Variants in TLK2 observed in about 807,000 individuals in gnomAD.
TLK2 encodes serine/threonine-protein kinase tousled-like 2.
TLK2 carries 6 observed loss-of-function variants against 117.3 expected under a neutral mutation model. The ratio of observed to expected loss-of-function variants is 0.05; its 90% CI spans 0.03 to 0.10. TLK2 has a LOEUF of 0.10. Ranked by LOEUF, TLK2 falls within the 10% of genes least tolerant of loss-of-function variation. The probability of loss-of-function intolerance (pLI) is 1.00; values close to 1 mark genes in which losing one functional copy is unlikely to be tolerated. For missense variants in TLK2, 299 were observed against 901.2 expected (o/e 0.33, Z 8.56); for synonymous variants, 257 against 316.7 (o/e 0.81, Z 2.00).
chr17:62,581,638 A>G (rs1477508985), intron 15 of TLK2, among the ~76,000 whole-genome samples: 1 of 151,472 alleles, frequency 6.6e-6, no homozygotes, highest in Non-Finnish European at 1.5e-5. Flanking sequence ...ACAGGGTTTC[A>G]TCATGTTGCC....
intron 15 of TLK2, among the ~76,000 whole-genome samples, chr17:62,583,932 TGTA>T (rs2081400101): frequency 6.6e-6 from 1 of 152,006 alleles, no homozygotes; most frequent in Non-Finnish European, 1.5e-5. Flanking sequence ...GTGCATTTAA[TGTA>T]GTTTTTCTTT....
intron 11 of TLK2, among the ~76,000 whole-genome samples, chr17:62,565,895 A>G (rs2079747272): frequency 6.6e-6 from 1 of 152,184 alleles, no homozygotes; most frequent in Admixed American, 6.5e-5. Flanking sequence ...GAAGAACTTT[A>G]TAGGACATGT....
At chr17:62,553,956 T>C (rs1411833706) in intron 9 of TLK2, among the ~76,000 whole-genome samples, 2 of 152,240 alleles carry the variant, frequency 1.3e-5, no homozygotes, top group Admixed American at 6.5e-5. Context: ...GGAAATCTTA[T>C]ACTGTAGTGT....
In TLK2 at chr17:62,569,537, G is replaced by T. The variant is rs548716770; in HGVS notation, c.969-3678G>T. ...TGCAACCCCTGCCCCCTGGGTTCAA[G>T]CAATTCTCCTGCCTCAACCTCCTGA... On this transcript the variant is annotated intron_variant, in intron 11 of 21. Coordinates refer to ENST00000346027, the MANE Select transcript of TLK2 (RefSeq NM_006852.6). Among the ~76,000 whole-genome samples the T allele has an allele frequency of 1.3e-3, 190 of 146,372 alleles. 1 individual carries two copies. The highest frequency in any genetic ancestry group is 4.3e-4 in the Non-Finnish European group (29 of 67,116).
chr17:62,538,033 G>GGT (rs1251439024), intron 7 of TLK2, among the ~76,000 whole-genome samples: 1 of 106,164 alleles, frequency 9.4e-6, no homozygotes, highest in Non-Finnish European at 1.8e-5. Flanking sequence ...TTAAATCTTT[G>GGT]TTTTTTTTTT....
intron 2 of TLK2, among the ~76,000 whole-genome samples, chr17:62,492,809 A>G (rs1455656853): frequency 6.6e-6 from 1 of 151,676 alleles, no homozygotes; most frequent in Admixed American, 6.6e-5. Context: ...TTAAATAATA[A>G]CTCCCAGGCC....
intron 7 of TLK2, chr17:62,550,344 T>C (rs2078356194): frequency 6.6e-6 from 1 of 152,248 alleles, no homozygotes; most frequent in South Asian, 2.1e-4. Context: ...TGCCTTGTTA[T>C]ATGCTCTTTT....
At chr17:62,527,481 C>T (rs1479473560) in intron 6 of TLK2, among the ~76,000 whole-genome samples, 1 of 151,944 alleles carries the variant, frequency 6.6e-6, no homozygotes, top group Non-Finnish European at 1.5e-5. Flanking sequence ...TACTAACCCC[C>T]TCCCTGCCGC....
At chr17:62,554,284 A>C (rs138576049) in intron 9 of TLK2, among the ~76,000 whole-genome samples, 208 of 152,286 alleles carry the variant, frequency 1.4e-3, no homozygotes, top group African/African-American at 4.8e-3. Flanking sequence ...GTTTTTAAAG[A>C]GTAAAAAGGG....
At chr17:62,471,918 A>G (rs1366011407) in intron 1 of TLK2, among the ~76,000 whole-genome samples, 2 of 2,380 alleles carry the variant, frequency 8.4e-4, no homozygotes, top group Non-Finnish European at 3.7e-3. Context: ...TTTTTTTTTT[A>G]GACAGAGTCT....
intron 5 of TLK2, 32 bp downstream of exon 5, chr17:62,523,209 C>T (rs752321241): frequency 1.4e-6 from 2 of 1,386,654 alleles, no homozygotes; most frequent in African/African-American, 1.5e-5. Flanking sequence ...AACAAACAAA[C>T]AAAACAAAAC....
At chr17:62,534,879 G>GTTTT (rs1252355058) in intron 6 of TLK2, among the ~76,000 whole-genome samples, 3 of 107,426 alleles carry the variant, frequency 2.8e-5, no homozygotes, top group Non-Finnish European at 3.8e-5. Flanking sequence ...GATAATTCCA[G>GTTTT]TCTTTTTTTT....
chr17:62,574,065 A>G (rs2080542213), intron 12 of TLK2, among the ~76,000 whole-genome samples: 1 of 152,250 alleles, frequency 6.6e-6, no homozygotes. Context: ...GTCCAAAGAT[A>G]GCTGCAGATA....
At chr17:62,492,324 A>G (rs999531177) in intron 2 of TLK2, among the ~76,000 whole-genome samples, 5 of 152,180 alleles carry the variant, frequency 3.3e-5, no homozygotes, top group Admixed American at 1.3e-4. Context: ...TGTTTTGCCC[A>G]TTAAATATAC....
rs774489782 is a variant in TLK2, at chr17:62,600,519, A to G, written c.1551-132A>G. The G allele has an allele frequency of 9.5e-5, 70 of 734,526 alleles. 1 individual carries two copies. Among genetic ancestry groups the G allele is most frequent in the Middle Eastern group, 4.0e-4 (1 of 2,494 alleles). 45.5% of individuals were successfully genotyped at this position (734,526 alleles called of 1,614,324 possible). ...CAGCTAATACTGAATAAACAATTGA[A>G]GAGTATTTTAAGGAACAAAGAAGAA... On this transcript the variant is annotated intron_variant, in intron 17 of 21. Transcript: ENST00000346027.
At chr17:62,508,639 A>C (rs1359664226) in intron 2 of TLK2, 1 of 862,084 alleles carries the variant, frequency 1.2e-6, no homozygotes, top group Non-Finnish European at 1.4e-6. Context: ...TTTCAAAGAT[A>C]CTAGGAATTA....
At chr17:62,487,533 AAAGT>A (rs1343389203) in intron 2 of TLK2, among the ~76,000 whole-genome samples, 4 of 151,650 alleles carry the variant, frequency 2.6e-5, no homozygotes, top group African/African-American at 4.8e-5. Context: ...AAAAAAAAAA[AAAGT>A]AAGTCAGCAA....
Position 62,502,587 on chromosome 17 carries a change from A to C in TLK2, c.82-18186A>C, listed in dbSNP as rs193285878. On this transcript the variant is annotated intron_variant, in intron 2 of 21. Coordinates refer to ENST00000346027, the MANE Select transcript of TLK2 (RefSeq NM_006852.6). ...GAATAATCTTACAGATTACAAAGTA[A>C]AAGTAAAACTATTTATTCTTTAGAT... Among the ~76,000 whole-genome samples the C allele has an allele frequency of 2.6e-3, 394 of 152,326 alleles. 2 individuals carry two copies. Among genetic ancestry groups the C allele is most frequent in the African/African-American group, 9.0e-3 (373 of 41,572 alleles).
chr17:62,493,391 G>A (rs915779837), intron 2 of TLK2, among the ~76,000 whole-genome samples: 2 of 152,038 alleles, frequency 1.3e-5, no homozygotes, highest in South Asian at 2.1e-4. Context: ...ATGGACCCTC[G>A]GGTTACTTTT....
Sources: allele counts gnomAD v4.1 joint callset (sites outside exome capture counted in the v4.1 genomes callset), GRCh38; gene constraint gnomAD v4.1.1; transcripts MANE v1.5; gene names NCBI Gene and HGNC (gene_info 2026-07-23, HGNC 2026-07-21).